The following RBM47 variants were observed in gnomAD, a reference collection of about 807,000 sequenced individuals.
The protein encoded by RBM47 is RNA-binding protein 47.
RBM47 carries 21 observed loss-of-function variants against 47.1 expected under a neutral mutation model. That is an observed-to-expected ratio of 0.45 (90% CI 0.32 to 0.64). RBM47 has a LOEUF of 0.64. Among genes scored for constraint, RBM47 ranks in the 30% least tolerant of loss-of-function variants. The probability of loss-of-function intolerance (pLI) is 0.05; values close to 1 mark genes in which losing one functional copy is unlikely to be tolerated. For missense variants in RBM47, 708 were observed against 870.9 expected (o/e 0.81, Z 2.35); for synonymous variants, 375 against 361.7 (o/e 1.04, Z -0.42).
intron 1 of RBM47, among the ~76,000 whole-genome samples, chr4:40,584,532 T>TA (rs1454866459): frequency 6.6e-6 from 1 of 152,132 alleles, no homozygotes; most frequent in Admixed American, 6.6e-5. Context: ...GTAATCAGTA[T>TA]AAAAAACTAT....
chr4:40,540,623 A>G (rs1196104553), intron 2 of RBM47, among the ~76,000 whole-genome samples: 1 of 145,946 alleles, frequency 6.9e-6, no homozygotes, highest in Non-Finnish European at 1.5e-5. Flanking sequence ...AGGTAACAGG[A>G]GTGAAACTCT....
intron 3 of RBM47, among the ~76,000 whole-genome samples, chr4:40,445,091 G>A (rs927633830): frequency 2.6e-5 from 4 of 151,912 alleles, no homozygotes; most frequent in African/African-American, 4.8e-5. Context: ...TGGCTAACAC[G>A]GTGAAACCCC....
At chr4:40,596,076 C>A (rs1190047600) in intron 1 of RBM47, among the ~76,000 whole-genome samples, 1 of 152,186 alleles carries the variant, frequency 6.6e-6, no homozygotes, top group African/African-American at 2.4e-5. Context: ...ATGCAATGTG[C>A]CTAATCAGAG....
chr4:40,565,090 C>G (rs558582913), intron 1 of RBM47, among the ~76,000 whole-genome samples: 103 of 152,356 alleles, frequency 6.8e-4, no homozygotes, highest in Middle Eastern at 6.8e-3. Flanking sequence ...TTCTCCTTGT[C>G]TGCAGATGCA....
intron 3 of RBM47, among the ~76,000 whole-genome samples, chr4:40,464,430 A>G (rs1466456091): frequency 6.6e-6 from 1 of 152,228 alleles, no homozygotes; most frequent in Non-Finnish European, 1.5e-5. Context: ...AACAACAACA[A>G]TAATAAAATG....
intron 1 of RBM47, among the ~76,000 whole-genome samples, chr4:40,574,329 A>G (rs1022185280): frequency 3.3e-5 from 5 of 152,350 alleles, no homozygotes; most frequent in African/African-American, 1.2e-4. Flanking sequence ...TTTCTAAGAA[A>G]TAAAGACTTT....
At position 40,449,386 on chromosome 4, in the gene RBM47, G is replaced by A. The variant is rs544733172; in HGVS notation, c.-31-10462C>T. ...CCACCCCTCGCTCATCTGAGAAAGC[G>A]TTCATTCATAATGGGTCTTAATTGT... On this transcript the variant is annotated intron_variant, in intron 3 of 6. Transcript: ENST00000295971. Among the ~76,000 whole-genome samples the A allele has an allele frequency of 1.6e-4, 24 of 152,288 alleles. No homozygotes were observed. The East Asian group carries it at 3.9e-3, about 24-fold the overall frequency.
intron 2 of RBM47, among the ~76,000 whole-genome samples, chr4:40,495,244 T>C (rs1176935928): frequency 6.6e-6 from 1 of 152,182 alleles, no homozygotes; most frequent in Non-Finnish European, 1.5e-5. Flanking sequence ...TCTCAACTGA[T>C]CCATTCTTCC....
chr4:40,626,902 C>T lies in RBM47; in HGVS notation c.-240+2494G>A, dbSNP rs976136577. ...ACAACAACTTGAGGTGGCAACTGAG[C>T]AATTAGTTACTGATCATTTCTATGA... On this transcript the variant is annotated intron_variant, in intron 1 of 6. Coordinates refer to ENST00000295971, the MANE Select transcript of RBM47 (RefSeq NM_001098634.2). 7.2e-5 allele frequency among the ~76,000 whole-genome samples: 11 copies of T among 152,166 alleles called. 1 individual carries two copies. Among genetic ancestry groups the T allele is most frequent in the Non-Finnish European group, 1.2e-4 (8 of 68,038 alleles).
intron 1 of RBM47, among the ~76,000 whole-genome samples, chr4:40,586,992 T>C (rs1030785371): frequency 1.3e-5 from 2 of 151,388 alleles, no homozygotes; most frequent in Non-Finnish European, 2.9e-5. Context: ...AAATGAGGGG[T>C]TTAGTAATAT....
intron 1 of RBM47, among the ~76,000 whole-genome samples, chr4:40,622,143 T>C (rs1038309587): frequency 6.6e-6 from 1 of 152,210 alleles, no homozygotes; most frequent in Non-Finnish European, 1.5e-5. Context: ...GATACACCAA[T>C]GAATGAAGTA....
chr4:40,530,478 T>A (rs1004381880), intron 2 of RBM47, among the ~76,000 whole-genome samples: 5 of 151,990 alleles, frequency 3.3e-5, no homozygotes, highest in African/African-American at 1.2e-4. Flanking sequence ...AATTTTTATA[T>A]TTTTAGTAGA....
At chr4:40,558,288 G>C (rs73809063) in intron 1 of RBM47, among the ~76,000 whole-genome samples, 3,275 of 152,152 alleles carry the variant, frequency 0.022, 108 homozygotes, top group African/African-American at 0.075. Context: ...CTTTTGGTCT[G>C]TCATTTGCTT....
intron 1 of RBM47, among the ~76,000 whole-genome samples, chr4:40,599,352 T>G (rs1735036934): frequency 6.6e-6 from 1 of 151,996 alleles, no homozygotes; most frequent in African/African-American, 2.4e-5. Context: ...AAATAGGTAC[T>G]TACACTTACC....
chr4:40,592,980 T>TATATATATATG (rs1351070314), intron 1 of RBM47, among the ~76,000 whole-genome samples: 1 of 12,066 alleles, frequency 8.3e-5, no homozygotes. Context: ...TATATATATA[T>TATATATATATG]TTTTTTTTTT....
At chr4:40,468,258 G>C (rs1490515537) in intron 2 of RBM47, among the ~76,000 whole-genome samples, 1 of 152,124 alleles carries the variant, frequency 6.6e-6, no homozygotes, top group Admixed American at 6.5e-5. Flanking sequence ...CTGCACTCCA[G>C]CCTGGGCGAC....
chr4:40,438,927 G>C lies in RBM47; in HGVS notation c.-31-3C>G. The C allele has an allele frequency of 6.7e-7, 1 of 1,497,446 alleles. No individual in the cohort carries two copies. The highest frequency in any genetic ancestry group is 8.9e-7 in the Non-Finnish European group (1 of 1,125,716). 92.8% of individuals were successfully genotyped at this position (1,497,446 alleles called of 1,614,324 possible). A position where few individuals can be genotyped will look rare whatever the true frequency, so the allele number is the denominator to read the frequency against. On this transcript the variant is annotated splice_region_variant and splice_polypyrimidine_tract_variant and intron_variant, in intron 3 of 6. Transcript: ENST00000295971. ...AGGCATCCACAGCTGGCGGAAACCT[G>C]GGGAAGCAGAAAGAAGCGTGAGTGG...
At chr4:40,629,348 G>A (rs570403666) in intron 1 of RBM47, 48 bp downstream of exon 1, 173 of 152,278 alleles carry the variant, frequency 1.1e-3, no homozygotes, top group African/African-American at 3.8e-3. Context: ...GGACCCAAAT[G>A]TAAGATTAAG....
chr4:40,495,076 G>A (rs1722391181), intron 2 of RBM47, among the ~76,000 whole-genome samples: 1 of 151,982 alleles, frequency 6.6e-6, no homozygotes, highest in Non-Finnish European at 1.5e-5. Flanking sequence ...TGAGCAGCTG[G>A]GACTACAGGC....
Sources: gnomAD v4.1 joint callset for allele counts (sites outside exome capture counted in the v4.1 genomes callset) on GRCh38, gnomAD v4.1.1 for gene constraint, MANE v1.5 for transcripts, NCBI Gene and HGNC (gene_info 2026-07-23, HGNC 2026-07-21) for gene names.